Variants in CRYBG3 observed in about 807,000 individuals in gnomAD.
The protein encoded by CRYBG3 is crystallin beta-gamma domain containing 3.
In CRYBG3, 127 loss-of-function variants were observed where a neutral mutation model predicts 244.2. The ratio of observed to expected loss-of-function variants is 0.52; its 90% CI spans 0.45 to 0.60. The LOEUF (loss-of-function observed/expected upper bound fraction) is 0.60, where lower values mean the gene tolerates loss of function less well. Among genes scored for constraint, CRYBG3 ranks in the 20% least tolerant of loss-of-function variants. The probability of loss-of-function intolerance (pLI) is 0.00; values close to 1 mark genes in which losing one functional copy is unlikely to be tolerated. For synonymous variants in CRYBG3, 1,132 were observed against 1,195.8 expected, an observed-to-expected ratio of 0.95 and a Z score of 1.10; for missense variants, 3,325 against 3,442.5, an observed-to-expected ratio of 0.97 and a Z score of 0.85.
intron 6 of CRYBG3, among the ~76,000 whole-genome samples, chr3:97,880,628 A>G (rs2039433889): frequency 6.6e-6 from 1 of 152,228 alleles, no homozygotes; most frequent in Non-Finnish European, 1.5e-5. Flanking sequence ...TAGGCTACCC[A>G]GGTCAGCATT....
At chr3:97,939,130 C>T (rs2040198215) in intron 19 of CRYBG3, among the ~76,000 whole-genome samples, 1 of 151,884 alleles carries the variant, frequency 6.6e-6, no homozygotes, top group Admixed American at 6.6e-5. Flanking sequence ...GATGTCCCTG[C>T]CTATTGTTCA....
intron 8 of CRYBG3, among the ~76,000 whole-genome samples, 154 bp from the exon 9 acceptor site, chr3:97,888,187 G>A (rs559205371): frequency 3.9e-5 from 6 of 152,254 alleles, no homozygotes; most frequent in Admixed American, 1.3e-4. Context: ...AACTATTATC[G>A]TTATATAATG....
At chr3:97,864,991 T>G (rs1228620762) in intron 3 of CRYBG3, among the ~76,000 whole-genome samples, 1 of 152,200 alleles carries the variant, frequency 6.6e-6, no homozygotes, top group Non-Finnish European at 1.5e-5. Flanking sequence ...TATATTCTTA[T>G]TCTGTCAATA....
intron 15 of CRYBG3, among the ~76,000 whole-genome samples, chr3:97,904,786 G>T (rs1166721293): frequency 6.9e-6 from 1 of 145,344 alleles, no homozygotes; most frequent in Non-Finnish European, 1.5e-5. Flanking sequence ...TGTGCACCTT[G>T]TGCAGGTTAG....
At chr3:97,915,867 C>A in intron 17 of CRYBG3, 131 bp downstream of exon 17, 1 of 726,204 alleles carries the variant, frequency 1.4e-6, no homozygotes, top group Non-Finnish European at 2.1e-6. Context: ...ATGAATAATT[C>A]ATTTGTCAAT....
chr3:97,941,347 G>T (rs750203584), intron 20 of CRYBG3, 41 bp downstream of exon 20: 1 of 1,454,202 alleles, frequency 6.9e-7, no homozygotes, highest in South Asian at 1.5e-5. Context: ...TTTCTGGTCT[G>T]TTTTTTATTT....
intron 1 of CRYBG3, among the ~76,000 whole-genome samples, chr3:97,839,024 G>A (rs2038774991): frequency 6.6e-6 from 1 of 152,064 alleles, no homozygotes; most frequent in Admixed American, 6.6e-5. Flanking sequence ...TTAAAGTTCT[G>A]TTAGCTAAGA....
In CRYBG3 at chr3:97,888,377, A is replaced by G. The variant is rs1320344892; in HGVS notation, c.7326A>G (p.Gln2442=). The G allele has an allele frequency of 6.2e-7, 1 of 1,612,484 alleles. No individual in the cohort carries two copies. Among genetic ancestry groups the G allele is most frequent in the African/African-American group, 1.3e-5 (1 of 74,856 alleles). The part of the protein sequence containing the change: ...LAYPDINFKG[Q]ATVLEEDHGL... ...ACCCAGATATTAATTTTAAGGGACA[A>G]GCTACAGTTCTGGAGGAAGACCATG... Residue 2442 remains glutamine, a synonymous_variant, in exon 9 of 22, where the codon CAA becomes CAG. Transcript: ENST00000389622.
rs1405562402 is a variant in CRYBG3 at position 97,822,288 on chromosome 3, A to AAGGAAG, written c.93_98dup (p.Glu33_Glu34dup). ...CGCTCCCCGAAGTCCTTCCCGGGAC[A>AAGGAAG]AGGAAGAGGAAGAGGAGGAGAGGCC... On this transcript the variant is annotated inframe_insertion, in exon 1 of 22. Coordinates refer to ENST00000389622, the MANE Select transcript of CRYBG3 (RefSeq NM_153605.4). 3.3e-6 allele frequency: 5 copies of AAGGAAG among 1,530,672 alleles called. No homozygotes were observed. Among genetic ancestry groups the AAGGAAG allele is most frequent in the Non-Finnish European group, 2.6e-6 (3 of 1,144,684 alleles). The allele number at this position is 1,530,672 out of a possible 1,614,324, so 94.8% of individuals were successfully genotyped here.
At chr3:97,822,382 G>C (rs2038513901) in intron 1 of CRYBG3, 27 bp downstream of exon 1, 1 of 1,485,602 alleles carries the variant, frequency 6.7e-7, no homozygotes, top group Admixed American at 2.2e-5. Flanking sequence ...GGGTCGCGGG[G>C]GGGCCCTGCA....
At chr3:97,900,698 C>T (rs1299511194) in intron 15 of CRYBG3, among the ~76,000 whole-genome samples, 1 of 152,182 alleles carries the variant, frequency 6.6e-6, no homozygotes, top group African/African-American at 2.4e-5. Flanking sequence ...TTGTTTTCTC[C>T]TGACAGAGCG....
In CRYBG3 at chr3:97,933,917, G is replaced by C. The variant is rs114140094; in HGVS notation, c.8381+84G>C. 2.7e-3 allele frequency: 3,203 copies of C among 1,166,180 alleles called. 65 individuals are homozygous for C. The African/African-American group carries it at 0.044, about 16-fold the overall frequency. The allele number at this position is 1,166,180 out of a possible 1,614,324, so 72.2% of individuals were successfully genotyped here. A position where few individuals can be genotyped will look rare whatever the true frequency, so the allele number is the denominator to read the frequency against. On this transcript the variant is annotated intron_variant, in intron 18 of 21. Transcript: ENST00000389622. ...AGTTGCAAACCAAGTCCACTGTGTA[G>C]TAGTACGCATTCAAGTGGTCTTGAG...
At chr3:97,905,377 CTA>C (rs1194707893) in intron 15 of CRYBG3, among the ~76,000 whole-genome samples, 1 of 151,756 alleles carries the variant, frequency 6.6e-6, no homozygotes, top group East Asian at 2.0e-4. Context: ...AAAAGTGTTC[CTA>C]TTTCTTCACA....
At chr3:97,880,925 A>G (rs2039437981) in intron 6 of CRYBG3, 147 bp from the exon 7 acceptor site, 2 of 540,546 alleles carry the variant, frequency 3.7e-6, no homozygotes. Flanking sequence ...ATTAGCATAT[A>G]TCATTGTTTC....
rs749850504 is a variant in CRYBG3 at position 97,879,729 on chromosome 3, G to A, written c.6869G>A (p.Cys2290Tyr). Residue 2290 changes from cysteine (C) to tyrosine (Y), a missense_variant, in exon 5 of 22, where the codon TGT becomes TAT. By Grantham distance (194) the Cys-to-Tyr change is radical (BLOSUM62 -2). This residue lies in a region of CRYBG3 where 714 missense variants were observed against 803.6 expected (regional missense o/e 0.89). Transcript: ENST00000389622. ...AATGTTGACAAACAAACTCTGAGATGTAACCCAAGACCTGGGAAGGTAAGG... is the reference window on the plus strand; with the variant it reads ...AATGTTGACAAACAAACTCTGAGATATAACCCAAGACCTGGGAAGGTAAGG... The part of the protein sequence containing the change: ...IENVDKQTLR[C>Y]NPRPGKMVIY... 1 of 1,604,648 alleles carries A rather than the reference G, an allele frequency of 6.2e-7. No homozygotes were observed. The highest frequency in any genetic ancestry group is 8.5e-7 in the Non-Finnish European group (1 of 1,175,666).
chr3:97,879,890 G>C, intron 5 of CRYBG3, 95 bp from the exon 6 acceptor site: 1 of 915,418 alleles, frequency 1.1e-6, no homozygotes, highest in Middle Eastern at 2.6e-4. Context: ...GTATATTTAG[G>C]ATATTTATTT....
chr3:97,843,783 G>A (rs1279203463), intron 2 of CRYBG3, among the ~76,000 whole-genome samples: 1 of 152,148 alleles, frequency 6.6e-6, no homozygotes, highest in Non-Finnish European at 1.5e-5. Flanking sequence ...ACCTACATAG[G>A]GGATTCTCCA....
intron 17 of CRYBG3, among the ~76,000 whole-genome samples, chr3:97,930,480 G>T (rs143397503): frequency 4.6e-5 from 7 of 152,080 alleles, no homozygotes; most frequent in Non-Finnish European, 1.0e-4. Context: ...CTTGCCTGTG[G>T]CCACTCAATA....
intron 2 of CRYBG3, among the ~76,000 whole-genome samples, chr3:97,860,216 A>G (rs1160543694): frequency 2.0e-5 from 3 of 152,010 alleles, no homozygotes; most frequent in Admixed American, 6.6e-5. Flanking sequence ...TTCATTTATT[A>G]CTCTAACAAA....
Sources: allele counts gnomAD v4.1 joint callset (sites outside exome capture counted in the v4.1 genomes callset), GRCh38; gene constraint gnomAD v4.1.1; regional missense constraint gnomAD v4.1.1; transcripts MANE v1.5; gene names NCBI Gene and HGNC (gene_info 2026-07-23, HGNC 2026-07-21).